Variants in SHISA5 observed in about 807,000 individuals in gnomAD.
SHISA5 encodes shisa family member 5.
A neutral mutation model predicts 27.5 loss-of-function variants in SHISA5; 21 were observed. That is an observed-to-expected ratio of 0.76 (90% CI 0.54 to 1.10). The LOEUF (loss-of-function observed/expected upper bound fraction) is 1.10, where lower values mean the gene tolerates loss of function less well. Among genes scored for constraint, SHISA5 ranks in the 50% least tolerant of loss-of-function variants. The pLI is 0.00. For missense variants in SHISA5, 314 were observed against 336.3 expected, an observed-to-expected ratio of 0.93 and a Z score of 0.52; for synonymous variants, 137 against 142.2, an observed-to-expected ratio of 0.96 and a Z score of 0.26.
chr3:48,493,820 A>G (rs2041488864), intron 2 of SHISA5, among the ~76,000 whole-genome samples: 1 of 147,440 alleles, frequency 6.8e-6, no homozygotes, highest in Non-Finnish European at 1.5e-5. Flanking sequence ...GGCATCAGCC[A>G]CTGCACCCAT....
intron 2 of SHISA5, among the ~76,000 whole-genome samples, chr3:48,494,153 A>G (rs1319482955): frequency 1.4e-5 from 2 of 147,016 alleles, no homozygotes; most frequent in Non-Finnish European, 2.9e-5. Flanking sequence ...CCACCATTTT[A>G]TTCTGTTTCT....
chr3:48,498,689 GAA>G (rs11294310), intron 2 of SHISA5, among the ~76,000 whole-genome samples: 41 of 80,640 alleles, frequency 5.1e-4, no homozygotes, highest in African/African-American at 1.6e-3. Flanking sequence ...TCTCCAGAAA[GAA>G]AAAAAAAAAA....
At chr3:48,500,111 C>T (rs1455118312) in intron 2 of SHISA5, among the ~76,000 whole-genome samples, 1 of 152,114 alleles carries the variant, frequency 6.6e-6, no homozygotes, top group Non-Finnish European at 1.5e-5. Context: ...CCCACTGAAG[C>T]TATCTATCAT....
At chr3:48,475,025 C>T (rs1272530391) in intron 3 of SHISA5, among the ~76,000 whole-genome samples, 1 of 152,126 alleles carries the variant, frequency 6.6e-6, no homozygotes, top group Middle Eastern at 3.2e-3. Flanking sequence ...TACGTCTTGC[C>T]CCTGCTTTGT....
chr3:48,483,778 A>G (rs1371945611), intron 2 of SHISA5, among the ~76,000 whole-genome samples: 2 of 131,860 alleles, frequency 1.5e-5, no homozygotes, highest in African/African-American at 3.0e-5. Context: ...TGACCCCACC[A>G]CCTCCCTCCC....
At position 48,469,809 on chromosome 3, in the gene SHISA5, AGATG is replaced by A; in HGVS notation, c.345_348del (p.Ile116LeufsTer142). ...ATGATAGTGACGACAGACAGCACAA[AGATG>A]GTCAGGCCAACGGCCAAGGTCGCTC... On this transcript the variant is annotated frameshift_variant, in exon 4 of 6. Transcript: ENST00000296444. LOFTEE classifies it high-confidence loss of function. This position sits in a 1 kb window ranked among gnomAD's most constrained non-coding sequence, Gnocchi z 4.6. 1 of 1,614,136 alleles carries A rather than the reference AGATG, an allele frequency of 6.2e-7. No homozygotes were observed. The highest frequency in any genetic ancestry group is 8.5e-7 in the Non-Finnish European group (1 of 1,179,994).
At chr3:48,495,951 G>C (rs2041536336) in intron 2 of SHISA5, among the ~76,000 whole-genome samples, 1 of 146,838 alleles carries the variant, frequency 6.8e-6, no homozygotes, top group Admixed American at 6.6e-5. Context: ...AGGAGTTCAA[G>C]AGCAGACTAA....
chr3:48,495,412 A>G lies in SHISA5; in HGVS notation c.233+5725T>C, dbSNP rs2041513833. ...GTGGCTCAAAAAAAAAAAAAAATTGATTGCTTGTTCAGTGGGTGGGGAGAA... is the reference window on the plus strand; with the variant it reads ...GTGGCTCAAAAAAAAAAAAAAATTGGTTGCTTGTTCAGTGGGTGGGGAGAA... On this transcript the variant is annotated intron_variant, in intron 2 of 5. Coordinates refer to ENST00000296444, the MANE Select transcript of SHISA5 (RefSeq NM_016479.6). Among the ~76,000 whole-genome samples, 5 of 141,254 alleles carry G rather than the reference A, an allele frequency of 3.5e-5. 2 individuals carry two copies. The highest frequency in any genetic ancestry group is 1.4e-4 in the African/African-American group (5 of 34,494). The allele number at this position is 141,254 out of a possible 152,430, so 92.7% of individuals were successfully genotyped here. A position where few individuals can be genotyped will look rare whatever the true frequency, so the allele number is the denominator to read the frequency against.
chr3:48,500,402 G>C (rs1004163117), intron 2 of SHISA5, among the ~76,000 whole-genome samples: 2 of 152,086 alleles, frequency 1.3e-5, no homozygotes, highest in African/African-American at 4.8e-5. Context: ...GAGGAGGATG[G>C]CTTGAGCCCA....
At position 48,469,742 on chromosome 3, in the gene SHISA5, C is replaced by T. The variant is rs776027919; in HGVS notation, c.416G>A (p.Cys139Tyr). The T allele has an allele frequency of 5.6e-6, 9 of 1,614,084 alleles. No individual in the cohort carries two copies. The highest frequency in any genetic ancestry group is 2.2e-5 in the East Asian group (1 of 44,878). The part of the protein sequence containing the change: ...TCSCCCLYKT[C>Y]RRPRPVVTTT... ...GGCACGCTTACGACGTGGTCGGCGG[C>T]ACGTCTTGTAAAGGCAGCAGCAGGA... is the stretch of plus-strand genomic sequence containing the variant. The change falls in exon 4 of 6, where the codon TGC (cysteine) becomes TAC (tyrosine). Residue 139 changes from cysteine to tyrosine, a missense_variant. Coordinates refer to ENST00000296444, the MANE Select transcript of SHISA5 (RefSeq NM_016479.6). The surrounding 1 kb of genome is among the most constrained non-coding windows in gnomAD (Gnocchi z 4.6).
chr3:48,493,503 A>G (rs948904406), intron 2 of SHISA5, among the ~76,000 whole-genome samples: 51,114 of 132,640 alleles, frequency 0.39, 13,704 homozygotes, highest in African/African-American at 0.72. Context: ...TAAATTCCTT[A>G]GAAATGGCCA....
At chr3:48,503,074 C>T (rs1314164351) in intron 1 of SHISA5, 28 of 1,285,498 alleles carry the variant, frequency 2.2e-5, no homozygotes, top group Non-Finnish European at 2.6e-5. Flanking sequence ...ATTGACAAGC[C>T]CAGTTTGGCC....
Position 48,494,451 on chromosome 3 carries a change from C to T in SHISA5, c.233+6686G>A, listed in dbSNP as rs896276555. ...TAGCTGGGATTACAGGCGTGCACCA[C>T]CACCAGCTAATTTTTGTATTTTTAG... is the stretch of plus-strand genomic sequence containing the variant. On this transcript the variant is annotated intron_variant, in intron 2 of 5. Transcript: ENST00000296444. Among the ~76,000 whole-genome samples, 225 of 146,544 alleles carry T rather than the reference C, an allele frequency of 1.5e-3. 33 individuals are homozygous for T. Among genetic ancestry groups the T allele is most frequent in the African/African-American group, 6.0e-3 (219 of 36,646 alleles).
intron 2 of SHISA5, among the ~76,000 whole-genome samples, chr3:48,500,915 G>A (rs1037210462): frequency 1.3e-5 from 2 of 152,182 alleles, no homozygotes; most frequent in African/African-American, 2.4e-5. Flanking sequence ...GGCTCAGCAA[G>A]CTGGAGCCCT....
At chr3:48,483,761 G>T (rs1473040271) in intron 2 of SHISA5, among the ~76,000 whole-genome samples, 36 of 134,796 alleles carry the variant, frequency 2.7e-4, no homozygotes, top group African/African-American at 1.2e-3. Flanking sequence ...CTGGCCGGGC[G>T]GGGGGCTGAC....
In SHISA5 at chr3:48,469,892, C is replaced by G; in HGVS notation, c.315-49G>C. 1 of 1,582,128 alleles carries G rather than the reference C, an allele frequency of 6.3e-7. No homozygotes were observed. The highest frequency in any genetic ancestry group is 8.6e-7 in the Non-Finnish European group (1 of 1,163,476). ...CGGGGCACCTCGCCCCTCCCCAGACCAGCATCCACACCTTCCCAAGGCATG... is the reference window on the plus strand; with the variant it reads ...CGGGGCACCTCGCCCCTCCCCAGACGAGCATCCACACCTTCCCAAGGCATG... On this transcript the variant is annotated intron_variant, in intron 3 of 5. Transcript: ENST00000296444. The surrounding 1 kb of genome is among the most constrained non-coding windows in gnomAD (Gnocchi z 4.6).
intron 3 of SHISA5, among the ~76,000 whole-genome samples, chr3:48,478,111 C>T (rs1162699664): frequency 1.3e-5 from 2 of 152,244 alleles, no homozygotes; most frequent in Non-Finnish European, 2.9e-5. Flanking sequence ...ATAGGCATCT[C>T]CCACGGGGCC....
rs1560117118 is a variant in SHISA5, at chr3:48,469,387, G to A, written c.617C>T (p.Pro206Leu). ...AGCCAGGGTCTCGTGGTAGGCCGGT[G>A]GGCCCATGGGCTGGGCTGGGTAAGG... ...PPPYPAQPMG[P>L]PAYHETLAGG... Residue 206 changes from proline to leucine, a missense_variant, in exon 5 of 6, where the codon CCA becomes CTA. By Grantham distance (98) the Pro-to-Leu change is moderately conservative (BLOSUM62 -3). Transcript: ENST00000296444. This position sits in a 1 kb window ranked among gnomAD's most constrained non-coding sequence, Gnocchi z 4.6. The A allele has an allele frequency of 1.3e-6, 2 of 1,597,626 alleles. No individual in the cohort carries two copies. Among genetic ancestry groups the A allele is most frequent in the Non-Finnish European group, 8.6e-7 (1 of 1,169,586 alleles).
rs767248646 is a variant in SHISA5 at position 48,468,983 on chromosome 3, A to G, written c.*124T>C. 1.2e-5 allele frequency: 19 copies of G among 1,573,018 alleles called. No individual in the cohort carries two copies. The Admixed American group carries it at 2.7e-4, about 23-fold the overall frequency. On this transcript the variant is annotated 3_prime_UTR_variant, in exon 6 of 6. Coordinates refer to ENST00000296444, the MANE Select transcript of SHISA5 (RefSeq NM_016479.6). The stretch of plus-strand genomic sequence containing the variant: ...TACAGGCAGGACACACACAGCACAC[A>G]TGGGGCGTAAGGAACCGTGCCTGGA...
Sources: gnomAD v4.1 joint callset for allele counts (sites outside exome capture counted in the v4.1 genomes callset) on GRCh38, gnomAD v4.1.1 for gene constraint, Gnocchi (gnomAD v3.1) non-coding constraint, MANE v1.5 for transcripts, NCBI Gene and HGNC (gene_info 2026-07-23, HGNC 2026-07-21) for gene names.